SCN8A: variants seen among roughly 807,000 people sequenced by gnomAD.
The protein encoded by SCN8A is sodium channel protein type 8 subunit alpha.
A neutral mutation model predicts 184.1 loss-of-function variants in SCN8A; 30 were observed. The ratio of observed to expected loss-of-function variants is 0.16; its 90% confidence interval spans 0.12 to 0.22. SCN8A has a LOEUF of 0.22. Among genes scored for constraint, SCN8A ranks in the 10% least tolerant of loss-of-function variants. The probability of loss-of-function intolerance (pLI) is 1.00; values close to 1 mark genes in which losing one functional copy is unlikely to be tolerated. For missense variants in SCN8A, 1,057 were observed against 2,498.9 expected (o/e 0.42, Z 12.30); for synonymous variants, 852 against 907.0 (o/e 0.94, Z 1.09).
At chr12:51,609,983 C>A (rs1300585137) in intron 1 of SCN8A, among the ~76,000 whole-genome samples, 2 of 151,404 alleles carry the variant, frequency 1.3e-5, no homozygotes, top group African/African-American at 4.8e-5. Context: ...AAAAAAAATA[C>A]AATAAAATAA....
chr12:51,595,258 C>T (rs529313463), intron 1 of SCN8A, among the ~76,000 whole-genome samples: 13 of 152,180 alleles, frequency 8.5e-5, no homozygotes, highest in South Asian at 2.1e-4. Context: ...TTATTAATTG[C>T]GGAAATGTAT....
At chr12:51,682,212 TGCTACTGGATTTG>T (rs1941347086) in intron 2 of SCN8A, among the ~76,000 whole-genome samples, 1 of 152,242 alleles carries the variant, frequency 6.6e-6, no homozygotes, top group Non-Finnish European at 1.5e-5. Flanking sequence ...CCTTTTTATA[TGCTACTGGATTTG>T]GTTTGCTGGC....
chr12:51,707,784 G>C (rs1289096115), intron 11 of SCN8A, among the ~76,000 whole-genome samples: 3 of 152,146 alleles, frequency 2.0e-5, no homozygotes, highest in African/African-American at 7.2e-5. Context: ...GTACTAACGT[G>C]CATTCCCACA....
rs1938744759 is a variant in SCN8A at position 51,807,539 on chromosome 12, A to C, written c.*110A>C. 2 of 1,188,092 alleles carry C rather than the reference A, an allele frequency of 1.7e-6. No homozygotes were observed. Among genetic ancestry groups the C allele is most frequent in the African/African-American group, 1.5e-5 (1 of 65,846 alleles). 73.6% of individuals were successfully genotyped at this position (1,188,092 alleles called of 1,614,324 possible). On this transcript the variant is annotated 3_prime_UTR_variant, in exon 27 of 27. Coordinates refer to ENST00000627620, the MANE Select transcript of SCN8A (RefSeq NM_001330260.2). The surrounding 1 kb of genome is among the most constrained non-coding windows in gnomAD (Gnocchi z 4.5). ...GAACAGCTGTGGAGACTCTAACCTGAAGATCTATACCAAACGTCGTCTGCT... is the reference window on the plus strand; with the variant it reads ...GAACAGCTGTGGAGACTCTAACCTGCAGATCTATACCAAACGTCGTCTGCT...
At chr12:51,697,573 C>T (rs1941616239) in intron 6 of SCN8A, among the ~76,000 whole-genome samples, 1 of 152,174 alleles carries the variant, frequency 6.6e-6, no homozygotes, top group African/African-American at 2.4e-5. Context: ...GAGGTTAGCC[C>T]TGAGCAGTGC....
At chr12:51,794,348 C>T in intron 25 of SCN8A, 23 bp from the exon 26 acceptor site, 2 of 1,593,758 alleles carry the variant, frequency 1.3e-6, no homozygotes, top group Non-Finnish European at 8.6e-7. Context: ...AATCTTTTAT[C>T]TTTTCCTTCC....
intron 1 of SCN8A, among the ~76,000 whole-genome samples, chr12:51,638,547 C>T (rs1389034304): frequency 1.3e-5 from 2 of 148,388 alleles, no homozygotes; most frequent in Non-Finnish European, 3.0e-5. Context: ...AGTATAGTGG[C>T]GTGATCTTGG....
In SCN8A at chr12:51,807,461, T is replaced by G; in HGVS notation, c.*32T>G. On this transcript the variant is annotated 3_prime_UTR_variant, in exon 27 of 27. Transcript: ENST00000627620. This position sits in a 1 kb window ranked among gnomAD's most constrained non-coding sequence, Gnocchi z 4.5. ...ACAAAAATTCAGTATTATACAGATC[T>G]AAAACTCGCAAGTGAAAGATTGTTT... The G allele has an allele frequency of 6.4e-7, 1 of 1,571,588 alleles. No homozygotes were observed. Among genetic ancestry groups the G allele is most frequent in the Non-Finnish European group, 8.7e-7 (1 of 1,155,386 alleles).
chr12:51,750,618 A>G (rs1173454606), intron 13 of SCN8A, among the ~76,000 whole-genome samples: 14 of 152,222 alleles, frequency 9.2e-5, no homozygotes, highest in Admixed American at 9.2e-4. Context: ...GGCTTGGTCG[A>G]TGATGCTGGT....
chr12:51,684,533 TG>T lies in SCN8A; in HGVS notation c.395+243del, dbSNP rs59513447. Among the ~76,000 whole-genome samples the T allele has an allele frequency of 0.059, 8,967 of 152,252 alleles. 384 individuals carry two copies. Among genetic ancestry groups the T allele is most frequent in the East Asian group, 0.13 (698 of 5,190 alleles). On this transcript the variant is annotated intron_variant, in intron 3 of 26. Coordinates refer to ENST00000627620, the MANE Select transcript of SCN8A (RefSeq NM_001330260.2). ...TGAAATTTTGTTTGGTATCATTGTA[TG>T]GACAAATTAAAATAACCTTTGTTGA...
intron 2 of SCN8A, among the ~76,000 whole-genome samples, chr12:51,681,049 T>C (rs7970191): frequency 0.83 from 126,272 of 152,054 alleles, 53,039 homozygotes; most frequent in East Asian, 0.99. Flanking sequence ...AATCCTGTTG[T>C]CTGTCTCCTA....
chr12:51,739,887 C>T (rs1047854804), intron 12 of SCN8A, among the ~76,000 whole-genome samples: 3 of 152,152 alleles, frequency 2.0e-5, no homozygotes, highest in Non-Finnish European at 4.4e-5. Flanking sequence ...GCTGGGAGCC[C>T]CAAACAGAGA....
At chr12:51,609,602 C>A (rs1199151569) in intron 1 of SCN8A, among the ~76,000 whole-genome samples, 4 of 152,140 alleles carry the variant, frequency 2.6e-5, no homozygotes, top group African/African-American at 9.7e-5. Flanking sequence ...AGAATAGCTA[C>A]CCCTAGGCTG....
intron 1 of SCN8A, among the ~76,000 whole-genome samples, chr12:51,623,325 C>T (rs992482973): frequency 5.3e-5 from 8 of 152,288 alleles, no homozygotes; most frequent in African/African-American, 7.2e-5. Flanking sequence ...CTAAGCTAAA[C>T]GTGGATTTGC....
chr12:51,768,994 A>G lies in SCN8A; in HGVS notation c.3031A>G (p.Thr1011Ala), dbSNP rs1418996542. 6.2e-7 allele frequency: 1 copy of G among 1,614,028 alleles called. No individual in the cohort carries two copies. The highest frequency in any genetic ancestry group is 8.5e-7 in the Non-Finnish European group (1 of 1,179,886). ...CCGTATCAAGAAGGGTGTGGCCTGG[A>G]CCAAACTAAAGGTGCACGCCTTCAT... ...VIRIKKGVAW[T>A]KLKVHAFMQA... The change falls in exon 17 of 27, where the codon ACC becomes GCC. Residue 1011 changes from threonine to alanine, a missense_variant. By Grantham distance (58) the Thr-to-Ala change is moderately conservative (BLOSUM62 0). Coordinates refer to ENST00000627620, the MANE Select transcript of SCN8A (RefSeq NM_001330260.2).
intron 1 of SCN8A, among the ~76,000 whole-genome samples, chr12:51,608,524 C>T (rs532544701): frequency 3.9e-5 from 6 of 152,160 alleles, no homozygotes; most frequent in South Asian, 2.1e-4. Context: ...AGTTTATGTG[C>T]GTAAAAGTGT....
At chr12:51,722,612 A>G (rs1256222200) in intron 12 of SCN8A, 1 of 152,430 alleles carries the variant, frequency 6.6e-6, no homozygotes, top group African/African-American at 2.4e-5. Context: ...TAAAGAGGCC[A>G]ATAGGAAACT....
chr12:51,598,527 C>T (rs1432276906), intron 1 of SCN8A, among the ~76,000 whole-genome samples: 4 of 152,042 alleles, frequency 2.6e-5, no homozygotes, highest in Admixed American at 6.5e-5. Flanking sequence ...TATTCTTAAA[C>T]GTTTCTTTCA....
At position 51,721,885 on chromosome 12, in the gene SCN8A, A is replaced by G. The variant is rs1209436770; in HGVS notation, c.1975A>G (p.Ile659Val). The G allele has an allele frequency of 1.2e-6, 2 of 1,600,784 alleles. No homozygotes were observed. The highest frequency in any genetic ancestry group is 2.7e-5 in the African/African-American group (2 of 74,930). The change falls in exon 12 of 27, where the codon ATC (isoleucine) becomes GTC (valine). Residue 659 changes from isoleucine to valine, a missense_variant. Around this residue, in one of 19 missense-constraint regions of SCN8A, gnomAD observed 322 missense variants for 390.1 expected, o/e 0.83. Transcript: ENST00000627620. ...VSLIGGPGSH[I>V]GGRLLPEATT... is the part of the protein sequence containing the mutation. ...CCTCATCGGCGGCCCCGGCTCCCAC[A>G]TCGGCGGGCGTCTCCTGCCAGAGGT... is the stretch of plus-strand genomic sequence containing the variant.
Sources: allele counts gnomAD v4.1 joint callset (sites outside exome capture counted in the v4.1 genomes callset), GRCh38; gene constraint gnomAD v4.1.1; regional missense constraint gnomAD v4.1.1; non-coding constraint Gnocchi (gnomAD v3.1); transcripts MANE v1.5; gene names NCBI Gene and HGNC (gene_info 2026-07-23, HGNC 2026-07-21).